The following CSMD2 variants were observed in gnomAD, a reference collection of about 807,000 sequenced individuals.
CSMD2 encodes the protein CUB and Sushi multiple domains 2, also known as CUB and sushi domain-containing protein 2.
Under a neutral mutation model 398.5 loss-of-function variants are expected in CSMD2, and 130 were observed. That is an observed-to-expected ratio of 0.33 (90% confidence interval 0.28 to 0.38). The LOEUF (loss-of-function observed/expected upper bound fraction) is 0.38, where lower values mean the gene tolerates loss of function less well. Ranked by LOEUF, CSMD2 falls within the 10% of genes least tolerant of loss-of-function variation. The probability of loss-of-function intolerance (pLI) is 1.00; values close to 1 mark genes in which losing one functional copy is unlikely to be tolerated. For synonymous variants in CSMD2, 1,828 were observed against 1,908.5 expected (o/e 0.96, Z 1.10); for missense variants, 3,829 against 4,764.9 (o/e 0.80, Z 5.78).
intron 6 of CSMD2, among the ~76,000 whole-genome samples, chr1:33,842,792 T>C (rs1372374475): frequency 2.0e-5 from 3 of 152,170 alleles, no homozygotes; most frequent in Non-Finnish European, 2.9e-5. Context: ...TGTTCAAAAA[T>C]GTAAAACCCA....
chr1:33,543,785 G>A (rs1468267722), intron 57 of CSMD2, among the ~76,000 whole-genome samples: 1 of 152,188 alleles, frequency 6.6e-6, no homozygotes, highest in East Asian at 1.9e-4. Flanking sequence ...CTGAAATACT[G>A]TTCATATAGG....
intron 2 of CSMD2, among the ~76,000 whole-genome samples, chr1:34,080,440 A>G (rs1027481363): frequency 2.6e-5 from 4 of 152,118 alleles, no homozygotes; most frequent in African/African-American, 9.6e-5. Flanking sequence ...ATCTTTCTTC[A>G]TAGAATACTG....
At chr1:34,026,088 A>G (rs891754696) in intron 3 of CSMD2, among the ~76,000 whole-genome samples, 3 of 152,216 alleles carry the variant, frequency 2.0e-5, no homozygotes, top group Middle Eastern at 3.2e-3. Context: ...TACTGAGCAC[A>G]TCTTGTGACT....
intron 6 of CSMD2, among the ~76,000 whole-genome samples, chr1:33,837,888 C>T (rs1183862677): frequency 6.6e-6 from 1 of 152,230 alleles, no homozygotes; most frequent in East Asian, 1.9e-4. Flanking sequence ...TGGTTAATTA[C>T]AAGACATTTT....
chr1:33,991,140 G>A (rs377299348), intron 3 of CSMD2, among the ~76,000 whole-genome samples: 2 of 151,870 alleles, frequency 1.3e-5, no homozygotes, highest in Admixed American at 1.3e-4. Flanking sequence ...CAAGTAGCTA[G>A]GACTACAGGC....
At chr1:34,042,811 G>A (rs1652010277) in intron 2 of CSMD2, among the ~76,000 whole-genome samples, 1 of 152,084 alleles carries the variant, frequency 6.6e-6, no homozygotes, top group African/African-American at 2.4e-5. Flanking sequence ...TTTTTGAGAA[G>A]GAGTCTCGCT....
chr1:33,768,599 A>G (rs550790706), intron 13 of CSMD2, among the ~76,000 whole-genome samples: 1 of 150,828 alleles, frequency 6.6e-6, no homozygotes, highest in Non-Finnish European at 1.5e-5. Flanking sequence ...AGAAGGTGGG[A>G]TAAGTAAGGA....
intron 27 of CSMD2, among the ~76,000 whole-genome samples, chr1:33,654,110 C>T (rs1359188342): frequency 6.6e-6 from 1 of 152,106 alleles, no homozygotes; most frequent in African/African-American, 2.4e-5. Context: ...ACATAAAATC[C>T]GAGTGGTCAT....
rs915225875 is a variant in CSMD2, at chr1:33,554,622, A to G, written c.8743+3112T>C. Among the ~76,000 whole-genome samples the G allele has an allele frequency of 2.6e-5, 4 of 152,154 alleles. No individual in the cohort carries two copies. The South Asian group carries it at 8.3e-4, about 32-fold the overall frequency. ...AGCTGGTGATTTTAACTGGGAGCCAATGCTCATTTACCCATTCTGAAAATC... is the reference window on the plus strand; with the variant it reads ...AGCTGGTGATTTTAACTGGGAGCCAGTGCTCATTTACCCATTCTGAAAATC... On this transcript the variant is annotated intron_variant, in intron 55 of 70. Coordinates refer to ENST00000373381, the MANE Select transcript of CSMD2 (RefSeq NM_001281956.2).
chr1:33,603,193 C>T (rs1284608247), intron 42 of CSMD2, among the ~76,000 whole-genome samples: 1 of 152,118 alleles, frequency 6.6e-6, no homozygotes, highest in Non-Finnish European at 1.5e-5. Flanking sequence ...ATGTTCAGCC[C>T]AGGCCCTGGA....
intron 53 of CSMD2, among the ~76,000 whole-genome samples, chr1:33,565,472 TAAACAA>T (rs1658971835): frequency 6.6e-6 from 1 of 150,648 alleles, no homozygotes; most frequent in Non-Finnish European, 1.5e-5. Flanking sequence ...AAAAAATAAA[TAAACAA>T]AACAAAGGCA....
At chr1:34,122,366 G>A (rs911122459) in intron 1 of CSMD2, among the ~76,000 whole-genome samples, 3 of 152,084 alleles carry the variant, frequency 2.0e-5, no homozygotes, top group Admixed American at 6.5e-5. Context: ...TCCAGGCACC[G>A]AGGTCCGGGA....
chr1:33,984,340 G>T (rs1269343660), intron 3 of CSMD2, among the ~76,000 whole-genome samples: 1 of 152,154 alleles, frequency 6.6e-6, no homozygotes, highest in African/African-American at 2.4e-5. Flanking sequence ...AAGTGCAACA[G>T]GTTCTATTTC....
chr1:33,996,238 C>T (rs1193218762), intron 3 of CSMD2, among the ~76,000 whole-genome samples: 2 of 152,248 alleles, frequency 1.3e-5, no homozygotes, highest in Non-Finnish European at 2.9e-5. Flanking sequence ...GGATCTGCCA[C>T]ACTTTCCTTC....
At chr1:33,588,072 G>A (rs546791382) in intron 44 of CSMD2, among the ~76,000 whole-genome samples, 3 of 152,264 alleles carry the variant, frequency 2.0e-5, no homozygotes, top group Admixed American at 1.3e-4. Flanking sequence ...CAGAGATAAC[G>A]ACTGTTAACC....
intron 2 of CSMD2, among the ~76,000 whole-genome samples, chr1:34,045,881 C>G (rs1172887703): frequency 6.6e-6 from 1 of 152,238 alleles, no homozygotes; most frequent in African/African-American, 2.4e-5. Context: ...GCACAGAATA[C>G]TATCCAATAT....
chr1:33,760,196 T>C lies in CSMD2; in HGVS notation c.1846+12373A>G, dbSNP rs564954958. On this transcript the variant is annotated intron_variant, in intron 13 of 70. Transcript: ENST00000373381. ...CTTGCCACACCTCTGGAATAATGCA[T>C]TGTCCCCACCAAACCATTCCAGGTG... Among the ~76,000 whole-genome samples the C allele has an allele frequency of 6.5e-4, 99 of 152,342 alleles. 1 individual carries two copies. The highest frequency in any genetic ancestry group is 6.2e-3 in the South Asian group (30 of 4,828).
At chr1:34,130,540 T>A (rs1663240746) in intron 1 of CSMD2, among the ~76,000 whole-genome samples, 1 of 152,030 alleles carries the variant, frequency 6.6e-6, no homozygotes, top group African/African-American at 2.4e-5. Context: ...TGGTTTCAAC[T>A]GTGTGTATGC....
intron 53 of CSMD2, among the ~76,000 whole-genome samples, chr1:33,560,108 T>C (rs905379988): frequency 4.7e-4 from 72 of 152,192 alleles, no homozygotes; most frequent in African/African-American, 1.7e-3. Context: ...CCTAGTTGTC[T>C]GCAGGGAGCA....
Sources: allele counts gnomAD v4.1 joint callset (sites outside exome capture counted in the v4.1 genomes callset), GRCh38; gene constraint gnomAD v4.1.1; transcripts MANE v1.5; gene names NCBI Gene and HGNC (gene_info 2026-07-23, HGNC 2026-07-21).